The following PLPPR1 variants were observed in gnomAD, a reference collection of about 807,000 sequenced individuals.
PLPPR1 encodes the protein phospholipid phosphatase-related protein type 1.
Under a neutral mutation model 33.1 loss-of-function variants are expected in PLPPR1, and 10 were observed. The observed-to-expected ratio is 0.30, with a 90% CI of 0.19 to 0.51. PLPPR1 has a LOEUF of 0.51. Among genes scored for constraint, PLPPR1 ranks in the 20% least tolerant of loss-of-function variants. The probability of loss-of-function intolerance (pLI) is 0.97; values close to 1 mark genes in which losing one functional copy is unlikely to be tolerated. For synonymous variants in PLPPR1, 151 were observed against 151.0 expected, an observed-to-expected ratio of 1.00 and a Z score of 0.00; for missense variants, 304 against 408.1, an observed-to-expected ratio of 0.74 and a Z score of 2.20.
intron 2 of PLPPR1, among the ~76,000 whole-genome samples, chr9:101,235,777 T>C (rs1827287719): frequency 6.6e-6 from 1 of 151,740 alleles, no homozygotes; most frequent in East Asian, 1.9e-4. Context: ...TTCACCAGCT[T>C]CCTCTGAAAA....
intron 2 of PLPPR1, among the ~76,000 whole-genome samples, chr9:101,247,013 C>T (rs1017587504): frequency 3.3e-5 from 5 of 151,962 alleles, no homozygotes; most frequent in African/African-American, 1.2e-4. Flanking sequence ...CACATCTCTA[C>T]TGGCTGAAAT....
intron 1 of PLPPR1, among the ~76,000 whole-genome samples, chr9:101,172,306 G>C (rs1447747656): frequency 1.3e-5 from 2 of 150,186 alleles, no homozygotes; most frequent in Non-Finnish European, 3.0e-5. Context: ...CAAAATAAAA[G>C]ATATCTCAAT....
intron 4 of PLPPR1, among the ~76,000 whole-genome samples, chr9:101,299,159 A>G (rs1472122394): frequency 6.6e-6 from 1 of 152,240 alleles, no homozygotes; most frequent in African/African-American, 2.4e-5. Flanking sequence ...GATAATTTCT[A>G]GAATTCAGCA....
chr9:101,135,475 T>G (rs560564184), intron 1 of PLPPR1, among the ~76,000 whole-genome samples: 6 of 152,178 alleles, frequency 3.9e-5, no homozygotes, highest in Non-Finnish European at 7.3e-5. Context: ...TGGTCCAGTT[T>G]TGTTTTGTTT....
intron 1 of PLPPR1, among the ~76,000 whole-genome samples, chr9:101,166,248 T>C (rs1825856748): frequency 6.6e-6 from 1 of 152,200 alleles, no homozygotes; most frequent in Non-Finnish European, 1.5e-5. Flanking sequence ...GACAGGAATA[T>C]ATTTCTCACC....
intron 4 of PLPPR1, among the ~76,000 whole-genome samples, chr9:101,292,848 T>A (rs986497826): frequency 6.5e-4 from 99 of 151,658 alleles, no homozygotes; most frequent in Admixed American, 5.9e-4. Context: ...CACTGCAAAA[T>A]CATGCCAAAT....
intron 4 of PLPPR1, among the ~76,000 whole-genome samples, chr9:101,290,151 T>C (rs184799451): frequency 4.9e-4 from 74 of 152,322 alleles, no homozygotes; most frequent in Non-Finnish European, 9.4e-4. Context: ...AATGTTTTCT[T>C]TGGAAAAAAT....
intron 7 of PLPPR1, 53 bp downstream of exon 7, chr9:101,317,549 G>A: frequency 1.9e-6 from 3 of 1,554,602 alleles, no homozygotes; most frequent in South Asian, 2.4e-5. Context: ...CACTTTGGGA[G>A]GTCAGTATCA....
At chr9:101,081,173 A>AT (rs897702537) in intron 1 of PLPPR1, among the ~76,000 whole-genome samples, 2 of 152,014 alleles carry the variant, frequency 1.3e-5, no homozygotes, top group Non-Finnish European at 2.9e-5. Flanking sequence ...TTGGGATTTA[A>AT]TGTGGTTTGG....
At chr9:101,043,509 A>G (rs1830108959) in intron 1 of PLPPR1, among the ~76,000 whole-genome samples, 1 of 151,926 alleles carries the variant, frequency 6.6e-6, no homozygotes, top group Non-Finnish European at 1.5e-5. Flanking sequence ...ACATACATCA[A>G]TATATCAGTC....
chr9:101,280,459 A>G (rs1376354926), intron 3 of PLPPR1, among the ~76,000 whole-genome samples: 1 of 152,170 alleles, frequency 6.6e-6, no homozygotes, highest in African/African-American at 2.4e-5. Flanking sequence ...TTGCCCTTAT[A>G]TCAAAACCAG....
At chr9:101,075,922 G>A (rs751573993) in intron 1 of PLPPR1, among the ~76,000 whole-genome samples, 1 of 152,096 alleles carries the variant, frequency 6.6e-6, no homozygotes, top group African/African-American at 2.4e-5. Context: ...TTAGTCAGAG[G>A]GAACAATCAG....
In PLPPR1 at chr9:101,051,648, G is replaced by A. The variant is rs547113629; in HGVS notation, c.-46+22546G>A. On this transcript the variant is annotated intron_variant, in intron 1 of 7. Coordinates refer to ENST00000374874, the MANE Select transcript of PLPPR1 (RefSeq NM_207299.2). ...TAATCATTTTCTACTTAATTTTCACGTTACATTTCTACTTCTGCTAGTGCT... is the reference window on the plus strand; with the variant it reads ...TAATCATTTTCTACTTAATTTTCACATTACATTTCTACTTCTGCTAGTGCT... 3.9e-5 allele frequency among the ~76,000 whole-genome samples: 6 copies of A among 152,156 alleles called. No individual in the cohort carries two copies. In the East Asian group the frequency reaches 7.7e-4, roughly 20 times the overall value.
At chr9:101,235,525 C>T (rs1297471156) in intron 2 of PLPPR1, among the ~76,000 whole-genome samples, 1 of 151,810 alleles carries the variant, frequency 6.6e-6, no homozygotes, top group Non-Finnish European at 1.5e-5. Context: ...CAAATATGTA[C>T]ATGCTGTACT....
chr9:101,234,640 C>G (rs1405673900), intron 2 of PLPPR1, among the ~76,000 whole-genome samples: 1 of 151,870 alleles, frequency 6.6e-6, no homozygotes, highest in Non-Finnish European at 1.5e-5. Context: ...AGAGAGATCT[C>G]AACTAGAAAT....
intron 6 of PLPPR1, among the ~76,000 whole-genome samples, chr9:101,316,743 G>A (rs935828187): frequency 1.3e-5 from 2 of 152,004 alleles, no homozygotes; most frequent in African/African-American, 2.4e-5. Flanking sequence ...AAACTCAAGA[G>A]TTATCTAATC....
intron 2 of PLPPR1, among the ~76,000 whole-genome samples, chr9:101,263,558 G>A (rs948879860): frequency 1.3e-5 from 2 of 152,162 alleles, no homozygotes; most frequent in African/African-American, 4.8e-5. Flanking sequence ...ATATAGATGA[G>A]AAAACTGACA....
intron 1 of PLPPR1, among the ~76,000 whole-genome samples, chr9:101,047,471 T>G (rs1361454811): frequency 6.6e-6 from 1 of 152,220 alleles, no homozygotes; most frequent in Non-Finnish European, 1.5e-5. Flanking sequence ...TTTAGCCAGT[T>G]TGTGGATATT....
intron 4 of PLPPR1, among the ~76,000 whole-genome samples, chr9:101,307,281 G>T (rs918948714): frequency 1.3e-5 from 2 of 152,176 alleles, no homozygotes; most frequent in African/African-American, 4.8e-5. Context: ...GCCAAAGAAA[G>T]AATAAAACCT....
Sources: allele counts gnomAD v4.1 joint callset (sites outside exome capture counted in the v4.1 genomes callset), GRCh38; gene constraint gnomAD v4.1.1; transcripts MANE v1.5; gene names NCBI Gene and HGNC (gene_info 2026-07-23, HGNC 2026-07-21).